HMGCLL1: variants seen among roughly 807,000 people sequenced by gnomAD.
HMGCLL1 encodes 3-hydroxy-3-methylglutaryl-CoA lyase like 1.
HMGCLL1 carries 36 observed loss-of-function variants against 39.1 expected under a neutral mutation model. The ratio of observed to expected loss-of-function variants is 0.92; its 90% CI spans 0.71 to 1.22. The LOEUF is 1.22. Ranked by LOEUF, HMGCLL1 falls within the 50% of genes most tolerant of loss-of-function variation. The pLI is 0.00. For missense variants in HMGCLL1, 451 were observed against 416.5 expected, an observed-to-expected ratio of 1.08 and a Z score of -0.72; for synonymous variants, 149 against 144.0, an observed-to-expected ratio of 1.03 and a Z score of -0.25.
chr6:55,639,299 A>G, the HMGCLL1 span, among the ~76,000 whole-genome samples: 54 of 151,834 alleles, frequency 3.6e-4, no homozygotes, highest in Non-Finnish European at 5.0e-4. Context: ...CTTATTAGCA[A>G]ACATTTAGTG....
the HMGCLL1 span, among the ~76,000 whole-genome samples, chr6:55,644,556 T>A: frequency 6.6e-6 from 1 of 152,094 alleles, no homozygotes; most frequent in Non-Finnish European, 1.5e-5. Context: ...CTTTAATCTA[T>A]TTTGATTTGA....
At chr6:55,442,237 A>G (rs897385929) in intron 7 of HMGCLL1, among the ~76,000 whole-genome samples, 3 of 151,650 alleles carry the variant, frequency 2.0e-5, no homozygotes, top group African/African-American at 7.3e-5. Context: ...CGTAGCTCAC[A>G]CTTAAAGAAT....
At chr6:55,627,899 AG>A in the HMGCLL1 span, among the ~76,000 whole-genome samples, 61 of 21,626 alleles carry the variant, frequency 2.8e-3, 1 homozygote, top group Non-Finnish European at 3.9e-3. Context: ...ATATATATAT[AG>A]TATATATACT....
chr6:55,504,750 T>C (rs549851499), intron 5 of HMGCLL1, among the ~76,000 whole-genome samples: 34 of 151,844 alleles, frequency 2.2e-4, no homozygotes, highest in African/African-American at 8.2e-4. Flanking sequence ...GGGCCTACTG[T>C]ATTCAATTGC....
chr6:55,633,996 T>C, the HMGCLL1 span, among the ~76,000 whole-genome samples: 2 of 152,264 alleles, frequency 1.3e-5, no homozygotes, highest in African/African-American at 4.8e-5. Flanking sequence ...TTTGTATTCT[T>C]ATATCATATT....
Position 55,477,276 on chromosome 6 carries a change from T to TTATATTTAGATAA in HMGCLL1, c.795+18142_795+18143insTTATCTAAATATA, listed in dbSNP as rs1765417613. ...TATAATATATATTATATAATATATA[T>TTATATTTAGATAA]TATATATTATATATAAAATAATATA... On this transcript the variant is annotated intron_variant, in intron 7 of 8. Transcript: ENST00000274901. Among the ~76,000 whole-genome samples, 3 of 13,508 alleles carry TTATATTTAGATAA rather than the reference T, an allele frequency of 2.2e-4. 1 individual carries two copies. The highest frequency in any genetic ancestry group is 1.9e-3 in the African/African-American group (2 of 1,050). 8.9% of individuals were successfully genotyped at this position (13,508 alleles called of 152,430 possible).
rs1561904781 is a variant in HMGCLL1, at chr6:55,477,293, A to AT, written c.795+18125_795+18126insA. On this transcript the variant is annotated intron_variant, in intron 7 of 8. Coordinates refer to ENST00000274901, the MANE Select transcript of HMGCLL1 (RefSeq NM_001042406.2). ...AATATATATTATATATTATATATAA[A>AT]ATAATATATATTATATATATAATAT... Among the ~76,000 whole-genome samples the AT allele has an allele frequency of 1.7e-3, 15 of 9,084 alleles. 2 individuals are homozygous for AT. The African/African-American group carries it at 0.02, about 12-fold the overall frequency. 6.0% of individuals were successfully genotyped at this position (9,084 alleles called of 152,430 possible). A position where few individuals can be genotyped will look rare whatever the true frequency, so the allele number is the denominator to read the frequency against.
intron 5 of HMGCLL1, among the ~76,000 whole-genome samples, chr6:55,508,606 C>T (rs1017332438): frequency 6.6e-6 from 1 of 151,720 alleles, no homozygotes; most frequent in Non-Finnish European, 1.5e-5. Flanking sequence ...TCTAAATGTT[C>T]ATTTTTCTAT....
chr6:55,670,690 A>C, the HMGCLL1 span, among the ~76,000 whole-genome samples: 1 of 151,814 alleles, frequency 6.6e-6, no homozygotes, highest in Non-Finnish European at 1.5e-5. Context: ...ACCACTATAA[A>C]ACATTGTAAA....
At chr6:55,447,017 G>A (rs181014900) in intron 7 of HMGCLL1, among the ~76,000 whole-genome samples, 5 of 151,904 alleles carry the variant, frequency 3.3e-5, no homozygotes, top group African/African-American at 1.2e-4. Context: ...TATTCATATA[G>A]AATAAAATAT....
intron 7 of HMGCLL1, among the ~76,000 whole-genome samples, chr6:55,458,820 G>T (rs1764436568): frequency 6.6e-6 from 1 of 152,164 alleles, no homozygotes; most frequent in African/African-American, 2.4e-5. Context: ...AAAAGACTTT[G>T]CTGTTTGATA....
chr6:55,614,288 T>G, the HMGCLL1 span, among the ~76,000 whole-genome samples: 371 of 152,228 alleles, frequency 2.4e-3, 2 homozygotes, highest in African/African-American at 8.5e-3. Context: ...GGAGCCCTAA[T>G]GATGGTATTA....
intron 7 of HMGCLL1, among the ~76,000 whole-genome samples, chr6:55,466,313 A>G (rs2127399875): frequency 6.6e-6 from 1 of 152,268 alleles, no homozygotes; most frequent in East Asian, 1.9e-4. Flanking sequence ...GAGAGGCAGC[A>G]TCAAGAACAA....
chr6:55,504,755 A>C (rs1767068450), intron 5 of HMGCLL1, among the ~76,000 whole-genome samples: 1 of 151,678 alleles, frequency 6.6e-6, no homozygotes, highest in Non-Finnish European at 1.5e-5. Context: ...TACTGTATTC[A>C]ATTGCTATTT....
intron 7 of HMGCLL1, among the ~76,000 whole-genome samples, chr6:55,483,337 C>T (rs894470328): frequency 6.6e-6 from 1 of 152,202 alleles, no homozygotes; most frequent in African/African-American, 2.4e-5. Context: ...ACGATTTCTG[C>T]TCACTGCAAC....
intron 1 of HMGCLL1, among the ~76,000 whole-genome samples, chr6:55,571,898 A>G (rs1432011568): frequency 6.6e-6 from 1 of 152,224 alleles, no homozygotes; most frequent in Non-Finnish European, 1.5e-5. Flanking sequence ...TAAGCAGCTT[A>G]TAAGACATAC....
At chr6:55,525,159 G>T (rs1358926833) in intron 3 of HMGCLL1, among the ~76,000 whole-genome samples, 1 of 151,354 alleles carries the variant, frequency 6.6e-6, no homozygotes, top group African/African-American at 2.4e-5. Context: ...CACAGACTTG[G>T]TCTATGCTGG....
intron 1 of HMGCLL1, among the ~76,000 whole-genome samples, chr6:55,576,115 A>G (rs1036338186): frequency 1.3e-5 from 2 of 152,228 alleles, no homozygotes; most frequent in Non-Finnish European, 2.9e-5. Context: ...AATATCAAGT[A>G]ATCATGAAAA....
the HMGCLL1 span, among the ~76,000 whole-genome samples, chr6:55,666,751 T>C: frequency 6.6e-6 from 1 of 151,728 alleles, no homozygotes; most frequent in Non-Finnish European, 1.5e-5. Context: ...TCCTACTGCA[T>C]GGGTAGCAGC....
Sources: allele counts gnomAD v4.1 joint callset (sites outside exome capture counted in the v4.1 genomes callset), GRCh38; gene constraint gnomAD v4.1.1; transcripts MANE v1.5; gene names NCBI Gene and HGNC (gene_info 2026-07-23, HGNC 2026-07-21).